The following SLAIN1 variants were observed in gnomAD, a reference collection of about 807,000 sequenced individuals.
The protein encoded by SLAIN1 is SLAIN motif-containing protein 1.
A neutral mutation model predicts 55.4 loss-of-function variants in SLAIN1; 17 were observed. The ratio of observed to expected loss-of-function variants is 0.31; its 90% CI spans 0.21 to 0.46. SLAIN1 has a LOEUF of 0.46. Ranked by LOEUF, SLAIN1 falls within the 20% of genes least tolerant of loss-of-function variation. The probability of loss-of-function intolerance (pLI) is 1.00; values close to 1 mark genes in which losing one functional copy is unlikely to be tolerated. For missense variants in SLAIN1, 682 were observed against 785.1 expected (o/e 0.87, Z 1.57); for synonymous variants, 348 against 337.4 (o/e 1.03, Z -0.35).
At chr13:77,736,792 C>CTTTT (rs1368659388) in intron 2 of SLAIN1, among the ~76,000 whole-genome samples, 1 of 143,734 alleles carries the variant, frequency 7.0e-6, no homozygotes. Flanking sequence ...CTGCATTAGT[C>CTTTT]TTTTTTTTTT....
chr13:77,742,880 G>A (rs753175650), intron 2 of SLAIN1: 88 of 267,022 alleles, frequency 3.3e-4, no homozygotes, highest in Non-Finnish European at 5.1e-4. Context: ...TTAGATAAGT[G>A]GAAGTCAGTT....
intron 2 of SLAIN1, among the ~76,000 whole-genome samples, chr13:77,737,828 C>T (rs560658825): frequency 6.6e-6 from 1 of 152,156 alleles, no homozygotes; most frequent in Non-Finnish European, 1.5e-5. Context: ...ACTTGCCTGT[C>T]TTCTGTAGTA....
At chr13:77,728,665 A>T (rs886137539) in intron 2 of SLAIN1, among the ~76,000 whole-genome samples, 4 of 152,190 alleles carry the variant, frequency 2.6e-5, no homozygotes, top group African/African-American at 9.6e-5. Context: ...TTAATGTCCA[A>T]ATTTAGCTGA....
intron 5 of SLAIN1, among the ~76,000 whole-genome samples, chr13:77,755,145 C>T (rs1874505763): frequency 6.6e-6 from 1 of 151,770 alleles, no homozygotes; most frequent in African/African-American, 2.4e-5. Flanking sequence ...ATGATGAAAC[C>T]CCGTCTCTAC....
chr13:77,748,840 A>G lies in SLAIN1; in HGVS notation c.1258+1985A>G, dbSNP rs895940426. On this transcript the variant is annotated intron_variant, in intron 4 of 6. Coordinates refer to ENST00000418532, the MANE Select transcript of SLAIN1 (RefSeq NM_001242868.2). The stretch of plus-strand genomic sequence containing the variant: ...TTCGGTTTCCCTAACTAAAATGTGG[A>G]CAAGATGATATCTGTCTCTTAGGAA... Among the ~76,000 whole-genome samples, 27 of 152,174 alleles carry G rather than the reference A, an allele frequency of 1.8e-4. 1 individual carries two copies. The highest frequency in any genetic ancestry group is 2.1e-4 in the South Asian group (1 of 4,826).
intron 2 of SLAIN1, among the ~76,000 whole-genome samples, chr13:77,742,336 G>GT (rs1275348470): frequency 6.6e-6 from 1 of 151,690 alleles, no homozygotes; most frequent in African/African-American, 2.4e-5. Flanking sequence ...TAATTTGGAA[G>GT]TTTTTTTTAA....
Position 77,760,844 on chromosome 13 carries a change from G to A in SLAIN1, c.1431G>A (p.Gln477=). 6.2e-7 allele frequency: 1 copy of A among 1,613,698 alleles called. No individual in the cohort carries two copies. The highest frequency in any genetic ancestry group is 8.5e-7 in the Non-Finnish European group (1 of 1,179,910). The change falls in exon 6 of 7, where the codon CAG becomes CAA. Residue 477 remains glutamine (Q), a synonymous_variant. Transcript: ENST00000418532. ...CTCTTCTAGTTCCATCACCGGGACAGCTTCAACACAGGGTCCACAGCGTGG... is the reference window on the plus strand; with the variant it reads ...CTCTTCTAGTTCCATCACCGGGACAACTTCAACACAGGGTCCACAGCGTGG... ...RIQSCIPSPG[Q]LQHRVHSVGH... is the part of the protein sequence containing the mutation.
chr13:77,718,526 G>T (rs887335795), intron 1 of SLAIN1, among the ~76,000 whole-genome samples: 4 of 152,072 alleles, frequency 2.6e-5, no homozygotes, highest in African/African-American at 9.7e-5. Context: ...CAACCATCTT[G>T]TATAACTGAT....
chr13:77,719,726 C>T, intron 2 of SLAIN1, 55 bp downstream of exon 2: 2 of 1,572,490 alleles, frequency 1.3e-6, no homozygotes, highest in Non-Finnish European at 1.7e-6. Flanking sequence ...CTCAGTGCTG[C>T]TTTTGTTGCT....
chr13:77,735,753 T>C (rs916989260), intron 2 of SLAIN1, among the ~76,000 whole-genome samples: 3 of 152,084 alleles, frequency 2.0e-5, no homozygotes, highest in Admixed American at 2.0e-4. Context: ...CAGCAAAATA[T>C]CAGCTGGCCC....
At chr13:77,734,221 T>A (rs750036019) in intron 2 of SLAIN1, among the ~76,000 whole-genome samples, 5 of 152,062 alleles carry the variant, frequency 3.3e-5, no homozygotes, top group Non-Finnish European at 7.4e-5. Context: ...GAATGCTGTG[T>A]TCTCGGTAAA....
In SLAIN1 at chr13:77,760,998, C is replaced by A; in HGVS notation, c.1585C>A (p.Pro529Thr). 6.2e-7 allele frequency: 1 copy of A among 1,614,182 alleles called. No homozygotes were observed. Residue 529 changes from proline (P) to threonine (T), a missense_variant, in exon 6 of 7, where the codon CCG (proline) becomes ACG (threonine). Transcript: ENST00000418532. ...QLYSNTGIPT[P>T]NKAAASGIMG... ...GTATTCCAACACAGGAATCCCCACA[C>A]CGAACAAAGCTGCAGCTTCTGGGAT...
chr13:77,751,188 C>T (rs77790126), intron 4 of SLAIN1, among the ~76,000 whole-genome samples: 24 of 151,820 alleles, frequency 1.6e-4, no homozygotes, highest in African/African-American at 3.9e-4. Context: ...TAGTGTTTTG[C>T]GGTATATATC....
At chr13:77,715,595 A>C (rs1566224740) in intron 1 of SLAIN1, among the ~76,000 whole-genome samples, 1 of 152,154 alleles carries the variant, frequency 6.6e-6, no homozygotes, top group Non-Finnish European at 1.5e-5. Context: ...CTTTCTTAAC[A>C]CTTGCTATGG....
chr13:77,758,413 G>A (rs1194842217), intron 5 of SLAIN1, among the ~76,000 whole-genome samples: 1 of 152,050 alleles, frequency 6.6e-6, no homozygotes, highest in Non-Finnish European at 1.5e-5. Flanking sequence ...TTGGTGTGCA[G>A]AAGCTTTGTA....
At chr13:77,716,344 A>G (rs1170239479) in intron 1 of SLAIN1, among the ~76,000 whole-genome samples, 1 of 110,808 alleles carries the variant, frequency 9.0e-6, no homozygotes, top group Non-Finnish European at 1.9e-5. Context: ...TTTTTTTTTT[A>G]ACATTTGTTT....
At chr13:77,720,969 C>T (rs1206699686) in intron 2 of SLAIN1, among the ~76,000 whole-genome samples, 3 of 151,742 alleles carry the variant, frequency 2.0e-5, no homozygotes, top group African/African-American at 7.3e-5. Flanking sequence ...GCTCATCTAA[C>T]AGAGCAGCCA....
rs1342778779 is a variant in SLAIN1, at chr13:77,698,834, C to T, written c.626+295C>T. The T allele has an allele frequency of 2.0e-6, 3 of 1,475,176 alleles. No individual in the cohort carries two copies. In the African/African-American group the frequency reaches 4.2e-5, roughly 21 times the overall value. The allele number at this position is 1,475,176 out of a possible 1,614,324, so 91.4% of individuals were successfully genotyped here. A position where few individuals can be genotyped will look rare whatever the true frequency, so the allele number is the denominator to read the frequency against. ...TTGCTGATTGTTGGGTCCCAAGCTC[C>T]TCGTTAGCATTAAGTGCAAAATCCA... is the stretch of plus-strand genomic sequence containing the variant. On this transcript the variant is annotated intron_variant, in intron 1 of 6. Transcript: ENST00000418532. The surrounding 1 kb of genome is among the most constrained non-coding windows in gnomAD (Gnocchi z 4.1).
chr13:77,717,960 T>A (rs1198519604), intron 1 of SLAIN1, among the ~76,000 whole-genome samples: 1 of 152,152 alleles, frequency 6.6e-6, no homozygotes, highest in Non-Finnish European at 1.5e-5. Flanking sequence ...TAGGCTATGT[T>A]GCAAGGAAGT....
Sources: gnomAD v4.1 joint callset for allele counts (sites outside exome capture counted in the v4.1 genomes callset) on GRCh38, gnomAD v4.1.1 for gene constraint, Gnocchi (gnomAD v3.1) non-coding constraint, MANE v1.5 for transcripts, NCBI Gene and HGNC (gene_info 2026-07-23, HGNC 2026-07-21) for gene names.